GALNT7: variants seen among roughly 807,000 people sequenced by gnomAD.
GALNT7 encodes polypeptide N-acetylgalactosaminyltransferase 7, also known as N-acetylgalactosaminyltransferase 7.
A neutral mutation model predicts 82.1 loss-of-function variants in GALNT7; 60 were observed. The ratio of observed to expected loss-of-function variants is 0.73; its 90% CI spans 0.59 to 0.91. The LOEUF (loss-of-function observed/expected upper bound fraction) is 0.91, where lower values mean the gene tolerates loss of function less well. Among genes scored for constraint, GALNT7 ranks in the 40% least tolerant of loss-of-function variants. The pLI is 0.00. For missense variants in GALNT7, 660 were observed against 804.2 expected (o/e 0.82, Z 2.17); for synonymous variants, 243 against 275.1 (o/e 0.88, Z 1.15).
At chr4:173,224,964 G>A (rs957417819) in intron 1 of GALNT7, among the ~76,000 whole-genome samples, 6 of 151,528 alleles carry the variant, frequency 4.0e-5, no homozygotes, top group South Asian at 4.2e-4. Context: ...GCAGTGAGCC[G>A]AAATTGTGCC....
In GALNT7 at chr4:173,217,918, T is replaced by TAA. The variant is rs1480431718; in HGVS notation, c.127-30056_127-30055dup. 2.6e-5 allele frequency among the ~76,000 whole-genome samples: 4 copies of TAA among 152,076 alleles called. 1 individual carries two copies. Among genetic ancestry groups the TAA allele is most frequent in the East Asian group, 3.9e-4 (2 of 5,190 alleles). Reference sequence around the variant, plus strand: ...AGATACTCCCTATAAAGCCAAAAGATAAAAAAATGCTAAGGGTACTGACAA... The same window carrying TAA: ...AGATACTCCCTATAAAGCCAAAAGATAAAAAAAAATGCTAAGGGTACTGACAA... On this transcript the variant is annotated intron_variant, in intron 1 of 11. Coordinates refer to ENST00000265000, the MANE Select transcript of GALNT7 (RefSeq NM_017423.3).
At chr4:173,294,221 G>C (rs1736637493) in intron 3 of GALNT7, among the ~76,000 whole-genome samples, 1 of 150,376 alleles carries the variant, frequency 6.6e-6, no homozygotes, top group Non-Finnish European at 1.5e-5. Flanking sequence ...ATTCAAAAAG[G>C]CTTTAAAAAA....
At chr4:173,234,116 C>T (rs552944878) in intron 1 of GALNT7, among the ~76,000 whole-genome samples, 1 of 152,166 alleles carries the variant, frequency 6.6e-6, no homozygotes, top group Non-Finnish European at 1.5e-5. Context: ...GTTCACCGTG[C>T]CCTGTGTCTT....
At chr4:173,248,896 G>A (rs987289160) in intron 2 of GALNT7, among the ~76,000 whole-genome samples, 1 of 151,590 alleles carries the variant, frequency 6.6e-6, no homozygotes, top group African/African-American at 2.4e-5. Context: ...AGTGTTCTGG[G>A]TGTCTCACAT....
chr4:173,202,878 T>C (rs1732982783), intron 1 of GALNT7, among the ~76,000 whole-genome samples: 1 of 152,236 alleles, frequency 6.6e-6, no homozygotes, highest in Non-Finnish European at 1.5e-5. Context: ...TTTATAATTA[T>C]TCTCTTGATG....
At chr4:173,193,577 TA>T (rs1426930432) in intron 1 of GALNT7, among the ~76,000 whole-genome samples, 1 of 152,238 alleles carries the variant, frequency 6.6e-6, no homozygotes. Context: ...TTTAAAGTGA[TA>T]CTTAGCTTTT....
intron 2 of GALNT7, among the ~76,000 whole-genome samples, chr4:173,288,941 A>G (rs1736437734): frequency 6.6e-6 from 1 of 152,064 alleles, no homozygotes; most frequent in Middle Eastern, 3.4e-3. Flanking sequence ...ACCCAGCAAG[A>G]CTCTGTCTCT....
chr4:173,295,225 A>G (rs1736678230), intron 3 of GALNT7, among the ~76,000 whole-genome samples, 171 bp from the exon 4 acceptor site: 1 of 152,232 alleles, frequency 6.6e-6, no homozygotes, highest in African/African-American at 2.4e-5. Flanking sequence ...TAGTAAACTC[A>G]AAATTAACTT....
At chr4:173,253,687 A>G (rs1734925829) in intron 2 of GALNT7, among the ~76,000 whole-genome samples, 1 of 152,174 alleles carries the variant, frequency 6.6e-6, no homozygotes, top group African/African-American at 2.4e-5. Context: ...CAGTAACACA[A>G]AGAGGAGTGG....
chr4:173,267,390 C>T (rs1735541734), intron 2 of GALNT7, among the ~76,000 whole-genome samples: 1 of 152,094 alleles, frequency 6.6e-6, no homozygotes, highest in African/African-American at 2.4e-5. Flanking sequence ...CATTAAAATG[C>T]CTGTCAAACT....
chr4:173,228,118 G>A (rs1296626898), intron 1 of GALNT7, among the ~76,000 whole-genome samples: 2 of 151,556 alleles, frequency 1.3e-5, no homozygotes, highest in East Asian at 3.9e-4. Context: ...TTTCTAGCAG[G>A]TCAATTTTTT....
At chr4:173,219,991 G>C (rs769128549) in intron 1 of GALNT7, among the ~76,000 whole-genome samples, 1 of 152,096 alleles carries the variant, frequency 6.6e-6, no homozygotes, top group Non-Finnish European at 1.5e-5. Context: ...AAGCTTTTTA[G>C]TTCAATTAAG....
At position 173,186,370 on chromosome 4, in the gene GALNT7, C is replaced by T. The variant is rs142275522; in HGVS notation, c.126+17409C>T. Among the ~76,000 whole-genome samples, 119 of 152,308 alleles carry T rather than the reference C, an allele frequency of 7.8e-4. 1 individual carries two copies. The highest frequency in any genetic ancestry group is 1.4e-3 in the Non-Finnish European group (98 of 68,026). ...ATGCTGGTGCAATCACTGTTAATAG[C>T]GTTAGTGAGTTTCGCTGAGTGATTT... On this transcript the variant is annotated intron_variant, in intron 1 of 11. Coordinates refer to ENST00000265000, the MANE Select transcript of GALNT7 (RefSeq NM_017423.3).
In GALNT7 at chr4:173,302,092, CTTCT is replaced by C; in HGVS notation, c.1197_1200del (p.Phe399LeufsTer63). On this transcript the variant is annotated frameshift_variant, in exon 7 of 12. Transcript: ENST00000265000. LOFTEE classifies it high-confidence loss of function. The surrounding 1 kb of genome is among the most constrained non-coding windows in gnomAD (Gnocchi z 4.2). ...GATTATTTGCCATTGAACGAGAGTT[CTTCT>C]TTGAATTGGGTCTCTATGATCCAGG... The C allele has an allele frequency of 6.2e-7, 1 of 1,603,892 alleles. No homozygotes were observed. The highest frequency in any genetic ancestry group is 8.5e-7 in the Non-Finnish European group (1 of 1,170,810).
In GALNT7 at chr4:173,295,647, TTA is replaced by T. The variant is rs1352233806; in HGVS notation, c.886-115_886-114del. 6.0e-6 allele frequency: 7 copies of T among 1,162,976 alleles called. No individual in the cohort carries two copies. The Admixed American group carries it at 1.3e-4, about 21-fold the overall frequency. The allele number at this position is 1,162,976 out of a possible 1,614,324, so 72.0% of individuals were successfully genotyped here. Reference sequence around the variant, plus strand: ...GAGAATGCTGGCTTAAACAGATAACTTATGTGTCAGAATTGACTATAATGCTA... The same window carrying T: ...GAGAATGCTGGCTTAAACAGATAACTTGTGTCAGAATTGACTATAATGCTA... On this transcript the variant is annotated intron_variant, in intron 4 of 11. Coordinates refer to ENST00000265000, the MANE Select transcript of GALNT7 (RefSeq NM_017423.3).
intron 1 of GALNT7, among the ~76,000 whole-genome samples, chr4:173,206,861 G>T (rs560076438): frequency 6.6e-6 from 1 of 152,290 alleles, no homozygotes; most frequent in South Asian, 2.1e-4. Context: ...CATGAAACTT[G>T]CAACCAAGGT....
chr4:173,278,526 A>G (rs914604018), intron 2 of GALNT7, among the ~76,000 whole-genome samples: 1 of 152,240 alleles, frequency 6.6e-6, no homozygotes, highest in Non-Finnish European at 1.5e-5. Flanking sequence ...CAAAGAGGGC[A>G]GAACCTGCTG....
chr4:173,318,834 A>T (rs955291457), intron 11 of GALNT7, among the ~76,000 whole-genome samples: 5 of 152,152 alleles, frequency 3.3e-5, no homozygotes, highest in African/African-American at 1.2e-4. Flanking sequence ...CAAGAAAGTC[A>T]GTGTTCTGTG....
chr4:173,202,813 A>G (rs1732981214), intron 1 of GALNT7, among the ~76,000 whole-genome samples: 1 of 152,160 alleles, frequency 6.6e-6, no homozygotes, highest in African/African-American at 2.4e-5. Flanking sequence ...CTCCCTTCAC[A>G]TCTATTAATA....
Sources: allele counts gnomAD v4.1 joint callset (sites outside exome capture counted in the v4.1 genomes callset), GRCh38; gene constraint gnomAD v4.1.1; non-coding constraint Gnocchi (gnomAD v3.1); transcripts MANE v1.5; gene names NCBI Gene and HGNC (gene_info 2026-07-23, HGNC 2026-07-21).